MAP3K1: variants seen among roughly 807,000 people sequenced by gnomAD.
MAP3K1 encodes the protein mitogen-activated protein kinase kinase kinase 1, also known as MAP/ERK kinase kinase 1.
Under a neutral mutation model 144.2 loss-of-function variants are expected in MAP3K1, and 36 were observed. That is an observed-to-expected ratio of 0.25 (90% CI 0.19 to 0.33). The LOEUF is 0.33. MAP3K1 is among the 10% of genes least tolerant of loss of function. The pLI, the probability that MAP3K1 is intolerant of heterozygous loss-of-function variation, is 1.00. For missense variants in MAP3K1, 1,650 were observed against 1,881.9 expected (o/e 0.88, Z 2.28); for synonymous variants, 718 against 688.7 (o/e 1.04, Z -0.67).
chr5:56,816,741 C>T (rs1319541215), intron 1 of MAP3K1, among the ~76,000 whole-genome samples: 1 of 152,204 alleles, frequency 6.6e-6, no homozygotes, highest in Non-Finnish European at 1.5e-5. Context: ...TGCACACTCG[C>T]GGAGGCTTGC....
chr5:56,885,415 G>C (rs1038884465), intron 16 of MAP3K1, among the ~76,000 whole-genome samples: 4 of 152,072 alleles, frequency 2.6e-5, no homozygotes, highest in Non-Finnish European at 5.9e-5. Flanking sequence ...CTGTTGGTTG[G>C]TCTTAATAAA....
In MAP3K1 at chr5:56,888,240, A is replaced by C; in HGVS notation, c.4272A>C (p.Gln1424His). 1 of 1,613,946 alleles carries C rather than the reference A, an allele frequency of 6.2e-7. No individual in the cohort carries two copies. Among genetic ancestry groups the C allele is most frequent in the South Asian group, 1.1e-5 (1 of 91,084 alleles). ...ATTTATTTTAGGTACTAAGAGGTCA[A>C]CAGTATGGAAGGAGCTGTGATGTAT... Reference protein sequence around the residue: ...AFMAPEVLRGQQYGRSCDVWS... With the variant: ...AFMAPEVLRGHQYGRSCDVWS... Residue 1424 changes from glutamine (Q) to histidine (H), a missense_variant, in exon 19 of 20, where the codon CAA becomes CAC. Transcript: ENST00000399503.
intron 1 of MAP3K1, chr5:56,820,415 G>A (rs1416659290): frequency 1.0e-6 from 1 of 984,316 alleles, no homozygotes; most frequent in East Asian, 1.1e-4. Flanking sequence ...TTGTTTTGCA[G>A]GCATTCTAAT....
At chr5:56,834,541 G>A (rs1035347086) in intron 1 of MAP3K1, among the ~76,000 whole-genome samples, 3 of 152,182 alleles carry the variant, frequency 2.0e-5, no homozygotes, top group Non-Finnish European at 2.9e-5. Context: ...GTAAAACCCC[G>A]TCTGTACTGT....
intron 19 of MAP3K1, 89 bp from the exon 20 acceptor site, chr5:56,893,436 GATGTAA>G (rs1748608300): frequency 7.8e-7 from 1 of 1,283,368 alleles, no homozygotes; most frequent in South Asian, 1.2e-5. Flanking sequence ...CTCTGTTCAG[GATGTAA>G]ATGTAAGGGT....
At chr5:56,846,339 T>C (rs909887448) in intron 1 of MAP3K1, among the ~76,000 whole-genome samples, 4 of 152,240 alleles carry the variant, frequency 2.6e-5, no homozygotes, top group Admixed American at 2.6e-4. Flanking sequence ...ACATATTGGC[T>C]TCATTCTAGT....
intron 19 of MAP3K1, among the ~76,000 whole-genome samples, chr5:56,892,996 T>C (rs1161663869): frequency 2.0e-5 from 3 of 151,898 alleles, no homozygotes; most frequent in African/African-American, 7.2e-5. Context: ...GTATTCAGAC[T>C]TACAATTTGT....
rs1561156036 is a variant in MAP3K1, at chr5:56,815,587, C to G, written c.14C>G (p.Ala5Gly). MAAA[A>G]GNRASSSGFP... Reference sequence around the variant, plus strand: ...CCGCGAGAGAAAATGGCGGCGGCGGCGGGGAATCGCGCCTCGTCGTCGGGA... The same window carrying G: ...CCGCGAGAGAAAATGGCGGCGGCGGGGGGGAATCGCGCCTCGTCGTCGGGA... The change falls in exon 1 of 20, where the codon GCG becomes GGG. Residue 5 changes from alanine (A) to glycine (G), a missense_variant. Around this residue, in one of 6 missense-constraint regions of MAP3K1, gnomAD observed 360 missense variants for 274.7 expected, o/e 1.31. Coordinates refer to ENST00000399503, the MANE Select transcript of MAP3K1 (RefSeq NM_005921.2). The G allele has an allele frequency of 9.3e-6, 12 of 1,295,432 alleles. No homozygotes were observed. Among genetic ancestry groups the G allele is most frequent in the South Asian group, 4.6e-5 (2 of 43,468 alleles). The allele number at this position is 1,295,432 out of a possible 1,614,324, so 80.2% of individuals were successfully genotyped here.
chr5:56,888,102 G>A (rs74360753), intron 18 of MAP3K1, 124 bp from the exon 19 acceptor site: 8,187 of 802,398 alleles, frequency 0.01, 75 homozygotes, highest in Non-Finnish European at 0.014. Context: ...ATATTAGGTA[G>A]TCCACAGAAT....
intron 1 of MAP3K1, among the ~76,000 whole-genome samples, chr5:56,843,922 A>G (rs1746895785): frequency 6.6e-6 from 1 of 152,170 alleles, no homozygotes; most frequent in African/African-American, 2.4e-5. Context: ...TGTAGAGATG[A>G]GCCAGTACAG....
intron 1 of MAP3K1, among the ~76,000 whole-genome samples, chr5:56,847,310 G>T (rs548880253): frequency 1.1e-4 from 17 of 152,286 alleles, no homozygotes; most frequent in South Asian, 1.0e-3. Context: ...AAGTAAAAAA[G>T]ACTTGGTCGG....
At chr5:56,836,634 G>C (rs1431695848) in intron 1 of MAP3K1, among the ~76,000 whole-genome samples, 1 of 152,094 alleles carries the variant, frequency 6.6e-6, no homozygotes, top group Non-Finnish European at 1.5e-5. Context: ...TAGTTGTGTG[G>C]CACTCCCTAA....
chr5:56,843,695 T>C (rs911541364), intron 1 of MAP3K1, among the ~76,000 whole-genome samples: 1 of 152,160 alleles, frequency 6.6e-6, no homozygotes, highest in African/African-American at 2.4e-5. Flanking sequence ...TGCCCCCTTC[T>C]CTTAGGGTGG....
intron 19 of MAP3K1, among the ~76,000 whole-genome samples, chr5:56,888,791 G>A (rs1052937010): frequency 2.6e-5 from 4 of 152,144 alleles, no homozygotes; most frequent in South Asian, 2.1e-4. Context: ...GGCAGGTTAG[G>A]TGTATTAACT....
Position 56,882,910 on chromosome 5 carries a change from T to C in MAP3K1, c.3666+44T>C, listed in dbSNP as rs757041981. On this transcript the variant is annotated intron_variant, in intron 14 of 19. Transcript: ENST00000399503. The stretch of plus-strand genomic sequence containing the variant: ...AGAGGTTAGAAAACTTCCTTGGGGC[T>C]GGGCACAGTGACTCATACCTGGAAT... 8 of 1,465,656 alleles carry C rather than the reference T, an allele frequency of 5.5e-6. No individual in the cohort carries two copies. The South Asian group carries it at 9.2e-5, about 17-fold the overall frequency. 90.8% of individuals were successfully genotyped at this position (1,465,656 alleles called of 1,614,324 possible). A position where few individuals can be genotyped will look rare whatever the true frequency, so the allele number is the denominator to read the frequency against.
At position 56,887,390 on chromosome 5, in the gene MAP3K1, T is replaced by C; in HGVS notation, c.4127T>C (p.Leu1376Pro). The change falls in exon 18 of 20, where the codon CTA (leucine) becomes CCA (proline). Residue 1376 changes from leucine to proline, a missense_variant. Physicochemically the swap from Leu to Pro is moderately conservative, Grantham distance 98 (BLOSUM62 -3). This residue lies in a region of MAP3K1 where 165 missense variants were observed against 322.9 expected (regional missense o/e 0.51). Coordinates refer to ENST00000399503, the MANE Select transcript of MAP3K1 (RefSeq NM_005921.2). ...IHRDVKGANL[L>P]IDSTGQRLRI... is the part of the protein sequence containing the mutation. ...TGTTTGTTGACAGGTGCCAATTTGCTAATTGACAGCACTGGTCAGAGACTA... is the reference window on the plus strand; with the variant it reads ...TGTTTGTTGACAGGTGCCAATTTGCCAATTGACAGCACTGGTCAGAGACTA... 1 of 1,614,194 alleles carries C rather than the reference T, an allele frequency of 6.2e-7. No individual in the cohort carries two copies. The highest frequency in any genetic ancestry group is 8.5e-7 in the Non-Finnish European group (1 of 1,180,026).
intron 1 of MAP3K1, among the ~76,000 whole-genome samples, chr5:56,837,921 G>C (rs3099460): frequency 0.51 from 77,149 of 151,986 alleles, 21,681 homozygotes; most frequent in Non-Finnish European, 0.65. Context: ...CACCTGGGAT[G>C]GTTTCTCCAA....
chr5:56,882,085 C>T lies in MAP3K1; in HGVS notation c.2885C>T (p.Pro962Leu), dbSNP rs757734103. Residue 962 changes from proline to leucine, a missense_variant, in exon 14 of 20, where the codon CCC becomes CTC. Pro to Leu is a moderately conservative substitution (Grantham distance 98). This residue lies in a region of MAP3K1 where 841 missense variants were observed against 886.5 expected (regional missense o/e 0.95). Transcript: ENST00000399503. The part of the protein sequence containing the change: ...PKPMVQTKGR[P>L]HSQCLNSSPL... ...CCAATGGTTCAAACAAAAGGCAGAC[C>T]CCACAGTCAGTGTTTGAACTCCTCT... 1.2e-6 allele frequency: 2 copies of T among 1,613,992 alleles called. No homozygotes were observed. The highest frequency in any genetic ancestry group is 8.5e-7 in the Non-Finnish European group (1 of 1,180,006).
At chr5:56,873,037 G>C (rs1196015454) in intron 9 of MAP3K1, 32 bp downstream of exon 9, 1 of 1,585,568 alleles carries the variant, frequency 6.3e-7, no homozygotes, top group Non-Finnish European at 8.6e-7. Context: ...ATTTCTCAAA[G>C]AAATATTTAT....
Sources: gnomAD v4.1 joint callset for allele counts (sites outside exome capture counted in the v4.1 genomes callset) on GRCh38, gnomAD v4.1.1 for gene constraint, gnomAD v4.1.1 regional missense constraint, MANE v1.5 for transcripts, NCBI Gene and HGNC (gene_info 2026-07-23, HGNC 2026-07-21) for gene names.